Variants in CAPN14 observed in about 807,000 individuals in gnomAD.
The protein encoded by CAPN14 is calpain 14.
Under a neutral mutation model 101.3 loss-of-function variants are expected in CAPN14, and 94 were observed. The observed-to-expected ratio is 0.93, with a 90% CI of 0.79 to 1.10. The LOEUF is 1.10. Ranked by LOEUF, CAPN14 falls within the 50% of genes least tolerant of loss-of-function variation. The pLI is 0.00. For synonymous variants in CAPN14, 338 were observed against 317.9 expected (o/e 1.06, Z -0.67); for missense variants, 837 against 828.4 (o/e 1.01, Z -0.13).
chr2:31,187,933 G>T, intron 14 of CAPN14, 119 bp from the exon 15 acceptor site: 1 of 814,754 alleles, frequency 1.2e-6, no homozygotes, highest in African/African-American at 1.8e-5. Flanking sequence ...ACTTTGCATC[G>T]TCTTTAATTT....
At chr2:31,189,052 C>G (rs370385159) in intron 13 of CAPN14, among the ~76,000 whole-genome samples, 3 of 152,304 alleles carry the variant, frequency 2.0e-5, no homozygotes, top group East Asian at 3.9e-4. Context: ...TTATCTTTTT[C>G]TCTCTAATGT....
At chr2:31,200,678 A>G in intron 5 of CAPN14, 53 bp from the exon 6 acceptor site, 1 of 1,464,070 alleles carries the variant, frequency 6.8e-7, no homozygotes, top group Non-Finnish European at 9.1e-7. Flanking sequence ...GAGTATTTAT[A>G]ATTTTATGTG....
In CAPN14 at chr2:31,189,379, CCT is replaced by C; in HGVS notation, c.1385_1386del (p.Gln462ArgfsTer37). On this transcript the variant is annotated frameshift_variant, in exon 13 of 22. Coordinates refer to ENST00000403897, the MANE Select transcript of CAPN14 (RefSeq NM_001145122.2). LOFTEE classifies it high-confidence loss of function. The part of the protein sequence containing the change: ...DRFLKEKEVS[Q>X]ELCLEPGTYL... ...TACGTCCCTGGTTCCAGACACAGCT[CCT>C]GACTCACTTCTTTCTCCTTGAGAAA... is the stretch of plus-strand genomic sequence containing the variant. 6.4e-7 allele frequency: 1 copy of C among 1,551,746 alleles called. No homozygotes were observed.
At chr2:31,223,579 AGT>A (rs1481085887) in intron 2 of CAPN14, among the ~76,000 whole-genome samples, 2 of 136,938 alleles carry the variant, frequency 1.5e-5, no homozygotes, top group African/African-American at 5.8e-5. Flanking sequence ...CCCAGGCTGG[AGT>A]GCAGTGGGAC....
At chr2:31,186,282 C>T (rs2148677205) in intron 16 of CAPN14, 146 bp downstream of exon 16, 1 of 484,314 alleles carries the variant, frequency 2.1e-6, no homozygotes, top group Middle Eastern at 2.9e-4. Flanking sequence ...TTTCAGATCA[C>T]ATAATCCACC....
intron 12 of CAPN14, among the ~76,000 whole-genome samples, chr2:31,190,577 C>G (rs571006537): frequency 6.6e-6 from 1 of 152,270 alleles, no homozygotes; most frequent in African/African-American, 2.4e-5. Flanking sequence ...AATTTTGTAG[C>G]TGATTTGCAG....
chr2:31,204,487 T>C (rs1325940992), intron 2 of CAPN14, among the ~76,000 whole-genome samples: 1 of 152,120 alleles, frequency 6.6e-6, no homozygotes, highest in Admixed American at 6.6e-5. Flanking sequence ...ATTAGAAGGT[T>C]GGGAGTTTCA....
upstream of CAPN14, among the ~76,000 whole-genome samples, chr2:31,218,689 G>A (rs536733737): frequency 1.2e-4 from 18 of 152,268 alleles, no homozygotes; most frequent in African/African-American, 2.9e-4. Flanking sequence ...AAAAGAAAAC[G>A]GAGGCACAGC....
chr2:31,179,065 T>A lies in CAPN14; in HGVS notation c.1711-486A>T, dbSNP rs6543612. Among the ~76,000 whole-genome samples, 241 of 74,016 alleles carry A rather than the reference T, an allele frequency of 3.3e-3. 4 individuals are homozygous for A. Among genetic ancestry groups the A allele is most frequent in the African/African-American group, 0.019 (226 of 12,072 alleles). 48.6% of individuals were successfully genotyped at this position (74,016 alleles called of 152,430 possible). ...TTAACATCCTTTATTGAGTTCTATA[T>A]ATATATATATATATATATATATATA... On this transcript the variant is annotated intron_variant, in intron 17 of 21. Coordinates refer to ENST00000403897, the MANE Select transcript of CAPN14 (RefSeq NM_001145122.2).
At position 31,226,261 on chromosome 2, in the gene CAPN14, A is replaced by G. The variant is rs144078077; in HGVS notation, c.-53+267T>C. On this transcript the variant is annotated intron_variant and NMD_transcript_variant, in intron 2 of 21. Coordinates refer to the CAPN14 transcript ENST00000398824. ...GTGTATTTTTAAATATCCCACGCTC[A>G]TAGGTTCTGCCTTTATCAGGTTCTC... Among the ~76,000 whole-genome samples the G allele has an allele frequency of 7.3e-3, 1,114 of 152,290 alleles. 9 individuals are homozygous for G. The highest frequency in any genetic ancestry group is 0.014 in the East Asian group (71 of 5,190).
rs1681062530 is a variant in CAPN14 at position 31,189,352 on chromosome 2, G to A, written c.1414C>T (p.Leu472Phe). The change falls in exon 13 of 22, where the codon CTC becomes TTC. Residue 472 changes from leucine to phenylalanine, a missense_variant. Leu to Phe is a conservative substitution (Grantham distance 22). Transcript: ENST00000403897. ...GCCTCCAATATGCAGGGCACGATGA[G>A]GTACGTCCCTGGTTCCAGACACAGC... ...QELCLEPGTY[L>F]IVPCILEAHQ... is the part of the protein sequence containing the mutation. 3.2e-6 allele frequency: 5 copies of A among 1,551,610 alleles called. No homozygotes were observed. The highest frequency in any genetic ancestry group is 4.4e-6 in the Non-Finnish European group (5 of 1,146,996).
intron 12 of CAPN14, chr2:31,189,790 C>G: frequency 1.2e-5 from 6 of 483,430 alleles, no homozygotes; most frequent in South Asian, 9.3e-5. Context: ...TGGCTGAGGG[C>G]TCTGAGGCTT....
intron 10 of CAPN14, 30 bp downstream of exon 10, chr2:31,193,101 T>G: frequency 1.3e-6 from 2 of 1,535,114 alleles, no homozygotes; most frequent in Non-Finnish European, 1.8e-6. Flanking sequence ...AACCTCACCC[T>G]GAGAGCCCTG....
intron 17 of CAPN14, 97 bp downstream of exon 17, chr2:31,180,839 G>C (rs1680556140): frequency 2.0e-6 from 2 of 1,025,470 alleles, no homozygotes; most frequent in South Asian, 1.5e-5. Flanking sequence ...CCCACAATTA[G>C]CAAGGATTGG....
At chr2:31,204,415 G>C (rs1681964639) in intron 2 of CAPN14, among the ~76,000 whole-genome samples, 1 of 152,116 alleles carries the variant, frequency 6.6e-6, no homozygotes, top group African/African-American at 2.4e-5. Flanking sequence ...TGATTGACTG[G>C]TGACTGGTGG....
chr2:31,206,601 A>C (rs1244664503), intron 1 of CAPN14, among the ~76,000 whole-genome samples: 1 of 152,168 alleles, frequency 6.6e-6, no homozygotes, highest in Non-Finnish European at 1.5e-5. Context: ...TTTCTTGCTA[A>C]TGTAAAAGGG....
chr2:31,226,355 A>G (rs1183966240), intron 2 of CAPN14, among the ~76,000 whole-genome samples: 1 of 152,204 alleles, frequency 6.6e-6, no homozygotes, highest in Non-Finnish European at 1.5e-5. Flanking sequence ...ATAATTGGCC[A>G]ACTACAGGTA....
intron 5 of CAPN14, 63 bp from the exon 6 acceptor site, chr2:31,200,688 G>T (rs1301053548): frequency 2.1e-6 from 3 of 1,420,982 alleles, no homozygotes; most frequent in Non-Finnish European, 1.9e-6. Flanking sequence ...AATTTTATGT[G>T]GCCTCGGCAT....
chr2:31,219,107 C>T (rs771674834), upstream of CAPN14, among the ~76,000 whole-genome samples: 1 of 152,176 alleles, frequency 6.6e-6, no homozygotes, highest in Non-Finnish European at 1.5e-5. Flanking sequence ...CAGCACCCTG[C>T]ACCTGGCACA....
Sources: gnomAD v4.1 joint callset for allele counts (sites outside exome capture counted in the v4.1 genomes callset) on GRCh38, gnomAD v4.1.1 for gene constraint, MANE v1.5 for transcripts, NCBI Gene and HGNC (gene_info 2026-07-23, HGNC 2026-07-21) for gene names.